The following DCN variants were observed in gnomAD, a reference collection of about 807,000 sequenced individuals.
The protein encoded by DCN is bone proteoglycan II.
In DCN, 17 loss-of-function variants were observed where a neutral mutation model predicts 36.5. The observed-to-expected ratio is 0.47, with a 90% CI of 0.32 to 0.70. The LOEUF (loss-of-function observed/expected upper bound fraction) is 0.70, where lower values mean the gene tolerates loss of function less well. Among genes scored for constraint, DCN ranks in the 30% least tolerant of loss-of-function variants. The pLI, the probability that DCN is intolerant of heterozygous loss-of-function variation, is 0.04. For missense variants in DCN, 389 were observed against 430.1 expected (o/e 0.90, Z 0.84); for synonymous variants, 163 against 161.4 (o/e 1.01, Z -0.07).
intron 3 of DCN, 100 bp from the exon 4 acceptor site, chr12:91,158,609 G>A: frequency 1.3e-6 from 1 of 751,806 alleles, no homozygotes; most frequent in Non-Finnish European, 2.4e-6. Flanking sequence ...GGATAGCAGA[G>A]AAATCTAAAA....
chr12:91,180,057 G>A (rs1883504366), intron 1 of DCN: 1 of 152,016 alleles, frequency 6.6e-6, no homozygotes, highest in Non-Finnish European at 1.5e-5. Context: ...AAAAGTACTT[G>A]ATTATATAGC....
In DCN at chr12:91,151,673, G is replaced by C; in HGVS notation, c.866C>G (p.Ala289Gly). Residue 289 changes from alanine to glycine, a missense_variant, in exon 7 of 8, where the codon GCA becomes GGA. Coordinates refer to ENST00000052754, the MANE Select transcript of DCN (RefSeq NM_001920.5). ...NKLTRVPGGL[A>G]EHKYIQVVYL... Reference sequence around the variant, plus strand: ...CATTACCTGGATGTACTTATGCTCTGCCAGCCCACCAGGTACTCTGGTAAG... The same window carrying C: ...CATTACCTGGATGTACTTATGCTCTCCCAGCCCACCAGGTACTCTGGTAAG... 1 of 1,614,016 alleles carries C rather than the reference G, an allele frequency of 6.2e-7. No individual in the cohort carries two copies. The highest frequency in any genetic ancestry group is 8.5e-7 in the Non-Finnish European group (1 of 1,179,940).
intron 5 of DCN, among the ~76,000 whole-genome samples, chr12:91,153,571 C>T (rs1881573837): frequency 6.6e-6 from 1 of 152,038 alleles, no homozygotes; most frequent in Non-Finnish European, 1.5e-5. Flanking sequence ...CTATTCGAAC[C>T]ATAATGAAGA....
At chr12:91,181,379 T>C (rs1868395534) in intron 1 of DCN, among the ~76,000 whole-genome samples, 1 of 152,068 alleles carries the variant, frequency 6.6e-6, no homozygotes, top group Admixed American at 6.6e-5. Context: ...ATTCCTTTCG[T>C]CATTTCCTTC....
intron 5 of DCN, 42 bp downstream of exon 5, chr12:91,157,033 G>T (rs776132393): frequency 2.8e-5 from 39 of 1,384,568 alleles, no homozygotes; most frequent in Non-Finnish European, 4.0e-5. Context: ...TAAAGCCTTT[G>T]AATTTAAATT....
intron 2 of DCN, among the ~76,000 whole-genome samples, chr12:91,168,456 GTTTA>G (rs1178964408): frequency 2.0e-5 from 3 of 152,098 alleles, no homozygotes; most frequent in East Asian, 1.9e-4. Context: ...TGTTTTGTTA[GTTTA>G]TTTATTTTTT....
At chr12:91,170,648 C>T (rs1181031538) in intron 2 of DCN, among the ~76,000 whole-genome samples, 1 of 152,112 alleles carries the variant, frequency 6.6e-6, no homozygotes. Flanking sequence ...TAAAATATTA[C>T]TCTTTGTTTG....
chr12:91,150,121 C>G (rs984599929), intron 7 of DCN, among the ~76,000 whole-genome samples: 1 of 151,696 alleles, frequency 6.6e-6, no homozygotes, highest in African/African-American at 2.4e-5. Context: ...AAAAAAAGAA[C>G]AAAGTTGGAG....
At chr12:91,161,313 G>T (rs1328132912) in intron 3 of DCN, among the ~76,000 whole-genome samples, 1 of 152,094 alleles carries the variant, frequency 6.6e-6, no homozygotes, top group East Asian at 1.9e-4. Context: ...GATATAAAGG[G>T]TTTTTTTAAA....
In DCN at chr12:91,145,960, A is replaced by C; in HGVS notation, c.*98T>G. 1 of 1,050,952 alleles carries C rather than the reference A, an allele frequency of 9.5e-7. No individual in the cohort carries two copies. 65.1% of individuals were successfully genotyped at this position (1,050,952 alleles called of 1,614,324 possible). On this transcript the variant is annotated 3_prime_UTR_variant, in exon 8 of 8. Coordinates refer to ENST00000052754, the MANE Select transcript of DCN (RefSeq NM_001920.5). ...TAAGTCATGTGGGTAAAACATCCAC[A>C]TTGCAGTTAGGTTTCCAGTATCTAG...
At chr12:91,163,681 TA>T (rs1882308503) in intron 3 of DCN, among the ~76,000 whole-genome samples, 1 of 151,956 alleles carries the variant, frequency 6.6e-6, no homozygotes, top group African/African-American at 2.4e-5. Flanking sequence ...AAAATAAACA[TA>T]CAGATAAGGA....
At position 91,151,701 on chromosome 12, in the gene DCN, T is replaced by C. The variant is rs1324955918; in HGVS notation, c.838A>G (p.Lys280Glu). The C allele has an allele frequency of 6.2e-7, 1 of 1,614,098 alleles. No individual in the cohort carries two copies. Among genetic ancestry groups the C allele is most frequent in the East Asian group, 2.2e-5 (1 of 44,880 alleles). ...AGCCCACCAGGTACTCTGGTAAGCT[T>C]GTTGTTGTCCAAGTGAAGCTCCCTC... is the stretch of plus-strand genomic sequence containing the variant. ...HLRELHLDNN[K>E]LTRVPGGLAE... Residue 280 changes from lysine (K) to glutamate (E), a missense_variant, in exon 7 of 8, where the codon AAG becomes GAG. Transcript: ENST00000052754.
intron 7 of DCN, among the ~76,000 whole-genome samples, chr12:91,149,280 T>C (rs996336199): frequency 1.8e-4 from 27 of 152,182 alleles, no homozygotes; most frequent in Middle Eastern, 3.2e-3. Flanking sequence ...GGTTGTAAAA[T>C]TGGTTTAACT....
chr12:91,164,635 A>C lies in DCN; in HGVS notation c.294T>G (p.Asp98Glu). Reference protein sequence around the residue: ...LQNNKITEIKDGDFKNLKNLH... With the variant: ...LQNNKITEIKEGDFKNLKNLH... ...GGTTCTTCAGGTTCTTAAAGTCTCC[A>C]TCTTTGATTTCGGTTATTTTGTTGT... The change falls in exon 3 of 8, where the codon GAT becomes GAG. Residue 98 changes from aspartate (D) to glutamate (E), a missense_variant. Transcript: ENST00000052754. 1 of 1,610,190 alleles carries C rather than the reference A, an allele frequency of 6.2e-7. No homozygotes were observed. Among genetic ancestry groups the C allele is most frequent in the African/African-American group, 1.3e-5 (1 of 74,924 alleles).
intron 1 of DCN, 126 bp from the exon 2 acceptor site, chr12:91,178,711 GGAAGCA>G (rs1883449960): frequency 2.9e-6 from 2 of 687,130 alleles, no homozygotes; most frequent in Non-Finnish European, 5.2e-6. Flanking sequence ...TTTGTTATCA[GGAAGCA>G]GAGCATTAAA....
At chr12:91,168,121 G>A (rs529411823) in intron 2 of DCN, among the ~76,000 whole-genome samples, 1 of 152,248 alleles carries the variant, frequency 6.6e-6, no homozygotes, top group African/African-American at 2.4e-5. Context: ...GTGAGCCACC[G>A]TGCCTAGCCG....
At chr12:91,164,377 T>A (rs113114966) in intron 3 of DCN, among the ~76,000 whole-genome samples, 144 of 38,210 alleles carry the variant, frequency 3.8e-3, no homozygotes, top group Middle Eastern at 0.016. Flanking sequence ...AAAAAAAAAA[T>A]TAAAAAAAAA....
chr12:91,173,276 A>C (rs980764990), intron 2 of DCN, among the ~76,000 whole-genome samples: 3 of 152,138 alleles, frequency 2.0e-5, no homozygotes, highest in Non-Finnish European at 4.4e-5. Context: ...ATGTTCTTCC[A>C]AAGGAAAATG....
At chr12:91,159,197 G>T (rs1201634967) in intron 3 of DCN, among the ~76,000 whole-genome samples, 1 of 152,088 alleles carries the variant, frequency 6.6e-6, no homozygotes, top group African/African-American at 2.4e-5. Flanking sequence ...CCCGCAGTCA[G>T]CTTTTTAACT....
Sources: gnomAD v4.1 joint callset for allele counts (sites outside exome capture counted in the v4.1 genomes callset) on GRCh38, gnomAD v4.1.1 for gene constraint, MANE v1.5 for transcripts, NCBI Gene and HGNC (gene_info 2026-07-23, HGNC 2026-07-21) for gene names.